NRP2: variants seen among roughly 807,000 people sequenced by gnomAD.
NRP2 encodes the protein neuropilin-2.
A neutral mutation model predicts 110.4 loss-of-function variants in NRP2; 52 were observed. The observed-to-expected ratio is 0.47, with a 90% CI of 0.38 to 0.59. The LOEUF is 0.59. Among genes scored for constraint, NRP2 ranks in the 20% least tolerant of loss-of-function variants. The pLI, the probability that NRP2 is intolerant of heterozygous loss-of-function variation, is 0.00. For synonymous variants in NRP2, 508 were observed against 468.9 expected (o/e 1.08, Z -1.08); for missense variants, 1,049 against 1,203.0 (o/e 0.87, Z 1.89).
rs541896093 is a variant in NRP2 at position 205,738,660 on chromosome 2, G to T, written c.1147-1859G>T. Among the ~76,000 whole-genome samples the T allele has an allele frequency of 7.9e-5, 12 of 151,940 alleles. No homozygotes were observed. The South Asian group carries it at 1.0e-3, about 13-fold the overall frequency. On this transcript the variant is annotated intron_variant, in intron 7 of 16. Coordinates refer to ENST00000357785, the MANE Select transcript of NRP2 (RefSeq NM_003872.3). ...TTCTCACTCCTTCTCATCCACAATCGCTATACAGGAAGCAGCAAAATCAAA... is the reference window on the plus strand; with the variant it reads ...TTCTCACTCCTTCTCATCCACAATCTCTATACAGGAAGCAGCAAAATCAAA...
chr2:205,778,978 TA>T (rs1434327258), intron 15 of NRP2: 1 of 152,212 alleles, frequency 6.6e-6, no homozygotes, highest in Non-Finnish European at 1.5e-5. Context: ...AGCTCTTCTG[TA>T]AAATGCCATG....
chr2:205,776,648 T>C, intron 15 of NRP2: 12 of 1,572,680 alleles, frequency 7.6e-6, no homozygotes, highest in Non-Finnish European at 1.0e-5. Context: ...CTTTCCCGGA[T>C]CCCCAACCCT....
At chr2:205,750,612 A>T (rs1022542214) in intron 11 of NRP2, among the ~76,000 whole-genome samples, 5 of 152,260 alleles carry the variant, frequency 3.3e-5, no homozygotes, top group African/African-American at 1.2e-4. Flanking sequence ...TAAAGTCACC[A>T]AGTATGAGGA....
rs1215498734 is a variant in NRP2 at position 205,790,836 on chromosome 2, G to A, written c.2426-1399G>A. Reference sequence around the variant, plus strand: ...TGGGCGTTGAGGTGGGGAGGCTGGCGTGGCCTGCAGGTGCCACTTGCTGTG... The same window carrying A: ...TGGGCGTTGAGGTGGGGAGGCTGGCATGGCCTGCAGGTGCCACTTGCTGTG... On this transcript the variant is annotated intron_variant, in intron 15 of 16. Transcript: ENST00000357785. Among the ~76,000 whole-genome samples the A allele has an allele frequency of 3.3e-5, 5 of 152,188 alleles. 1 individual carries two copies. Among genetic ancestry groups the A allele is most frequent in the African/African-American group, 9.7e-5 (4 of 41,450 alleles).
At chr2:205,720,392 T>G (rs894318374) in intron 3 of NRP2, among the ~76,000 whole-genome samples, 4 of 150,996 alleles carry the variant, frequency 2.6e-5, no homozygotes, top group Admixed American at 2.0e-4. Context: ...TCTCTTAGAC[T>G]CACTAGATGT....
chr2:205,703,677 C>T (rs979750763), intron 2 of NRP2, among the ~76,000 whole-genome samples: 3 of 152,126 alleles, frequency 2.0e-5, no homozygotes, highest in African/African-American at 7.2e-5. Flanking sequence ...GAGGAGGTGA[C>T]GCCTATACGA....
intron 1 of NRP2, among the ~76,000 whole-genome samples, chr2:205,694,248 A>C (rs1383439286): frequency 1.3e-5 from 2 of 152,256 alleles, no homozygotes; most frequent in Non-Finnish European, 2.9e-5. Flanking sequence ...TCAAATAAAA[A>C]CACCTAAGTA....
intron 15 of NRP2, among the ~76,000 whole-genome samples, chr2:205,782,794 G>T (rs954933351): frequency 1.6e-4 from 24 of 150,772 alleles, no homozygotes; most frequent in African/African-American, 5.8e-4. Context: ...ATTCCATATT[G>T]TGTTGATATG....
intron 15 of NRP2, chr2:205,776,565 G>A (rs2058104319): frequency 6.2e-7 from 1 of 1,600,160 alleles, no homozygotes; most frequent in African/African-American, 1.3e-5. Flanking sequence ...AAACGAGAAA[G>A]ACTGCAAACA....
intron 7 of NRP2, among the ~76,000 whole-genome samples, chr2:205,728,364 C>G (rs887020784): frequency 1.3e-5 from 2 of 152,212 alleles, no homozygotes; most frequent in African/African-American, 2.4e-5. Flanking sequence ...ATTCACTGAA[C>G]ATTTATGGCC....
At chr2:205,743,685 C>T (rs1336491109) in intron 9 of NRP2, 133 bp downstream of exon 9, 6 of 1,461,012 alleles carry the variant, frequency 4.1e-6, no homozygotes, top group African/African-American at 1.4e-5. Context: ...AAACAAATAT[C>T]GTTTGAGAGA....
At chr2:205,757,329 A>G (rs1374304048) in intron 12 of NRP2, among the ~76,000 whole-genome samples, 1 of 152,168 alleles carries the variant, frequency 6.6e-6, no homozygotes, top group Non-Finnish European at 1.5e-5. Context: ...TTCAAATGTA[A>G]GAAGTAAGAT....
chr2:205,769,284 A>G (rs1320136950), intron 15 of NRP2, among the ~76,000 whole-genome samples: 1 of 152,166 alleles, frequency 6.6e-6, no homozygotes, highest in Non-Finnish European at 1.5e-5. Flanking sequence ...TTAATCATGC[A>G]ACAAAGGTAA....
At position 205,686,135 on chromosome 2, in the gene NRP2, T is replaced by G. The variant is rs1006532317; in HGVS notation, c.73+2772T>G. Among the ~76,000 whole-genome samples the G allele has an allele frequency of 6.6e-6, 1 of 152,220 alleles. No homozygotes were observed. Among genetic ancestry groups the G allele is most frequent in the African/African-American group, 2.4e-5 (1 of 41,558 alleles). On this transcript the variant is annotated intron_variant, in intron 1 of 16. Transcript: ENST00000357785. This position sits in a 1 kb window ranked among gnomAD's most constrained non-coding sequence, Gnocchi z 4.7. Reference sequence around the variant, plus strand: ...GCCCAGCGATCCATAAACATTCTATTAAGCAAAAATATTCCCAGCGAAAGC... The same window carrying G: ...GCCCAGCGATCCATAAACATTCTATGAAGCAAAAATATTCCCAGCGAAAGC...
chr2:205,692,570 T>G lies in NRP2; in HGVS notation c.74-4974T>G, dbSNP rs191161755. On this transcript the variant is annotated intron_variant, in intron 1 of 16. Transcript: ENST00000357785. ...TTGTTGACATGCTCACACACAGAAC[T>G]GTGTATCCATAATATTTATAAATAT... is the stretch of plus-strand genomic sequence containing the variant. Among the ~76,000 whole-genome samples the G allele has an allele frequency of 3.3e-5, 5 of 152,346 alleles. No individual in the cohort carries two copies. The East Asian group carries it at 9.6e-4, about 29-fold the overall frequency.
chr2:205,758,385 G>A (rs918193169), intron 12 of NRP2, among the ~76,000 whole-genome samples: 4 of 152,196 alleles, frequency 2.6e-5, no homozygotes, highest in African/African-American at 9.7e-5. Flanking sequence ...TTATTTCAGG[G>A]TTTGGTGAGG....
chr2:205,794,399 C>A (rs985307634), intron 16 of NRP2, among the ~76,000 whole-genome samples: 1 of 152,200 alleles, frequency 6.6e-6, no homozygotes, highest in African/African-American at 2.4e-5. Context: ...CGTGAGCCAC[C>A]GCGCCCGGCC....
chr2:205,732,386 A>G (rs1468802437), intron 7 of NRP2, among the ~76,000 whole-genome samples: 3 of 152,230 alleles, frequency 2.0e-5, no homozygotes, highest in Non-Finnish European at 4.4e-5. Flanking sequence ...GGAGGAGAGA[A>G]AGAGTGGTGT....
rs1432638269 is a variant in NRP2, at chr2:205,752,991, G to T, written c.2044+16G>T. The T allele has an allele frequency of 6.2e-7, 1 of 1,612,556 alleles. No homozygotes were observed. The highest frequency in any genetic ancestry group is 1.7e-5 in the Admixed American group (1 of 60,008). ...ACGTTTCCAGGTAAGCCAGCTGTGA[G>T]TGAAGATATGAAAGAGTTAAGGCCA... On this transcript the variant is annotated intron_variant, in intron 12 of 16. Transcript: ENST00000357785.
Sources: allele counts gnomAD v4.1 joint callset (sites outside exome capture counted in the v4.1 genomes callset), GRCh38; gene constraint gnomAD v4.1.1; non-coding constraint Gnocchi (gnomAD v3.1); transcripts MANE v1.5; gene names NCBI Gene and HGNC (gene_info 2026-07-23, HGNC 2026-07-21).